The following PDE4B variants were observed in gnomAD, a reference collection of about 807,000 sequenced individuals.
PDE4B encodes phosphodiesterase 4B.
Under a neutral mutation model 82.2 loss-of-function variants are expected in PDE4B, and 20 were observed. That is an observed-to-expected ratio of 0.24 (90% CI 0.17 to 0.35). PDE4B has a LOEUF of 0.35. Among genes scored for constraint, PDE4B ranks in the 10% least tolerant of loss-of-function variants. The pLI, the probability that PDE4B is intolerant of heterozygous loss-of-function variation, is 1.00. For synonymous variants in PDE4B, 320 were observed against 318.9 expected, an observed-to-expected ratio of 1.00 and a Z score of -0.04; for missense variants, 655 against 907.2, an observed-to-expected ratio of 0.72 and a Z score of 3.57.
Position 66,121,560 on chromosome 1 carries a change from T to C in PDE4B, c.282-125900T>C, listed in dbSNP as rs146272632. On this transcript the variant is annotated intron_variant, in intron 3 of 16. Coordinates refer to ENST00000341517, the MANE Select transcript of PDE4B (RefSeq NM_002600.4). ...GTGAGTAAGAACTAGACAAGAAAGA[T>C]GTGCCTTGCCTCTGTTGTTCCAAAA... Among the ~76,000 whole-genome samples, 1,089 of 152,304 alleles carry C rather than the reference T, an allele frequency of 7.2e-3. 11 individuals carry two copies. The highest frequency in any genetic ancestry group is 0.024 in the African/African-American group (1,000 of 41,556).
At chr1:65,936,040 TTTTC>T (rs959102732) in intron 3 of PDE4B, among the ~76,000 whole-genome samples, 1 of 152,192 alleles carries the variant, frequency 6.6e-6, no homozygotes, top group African/African-American at 2.4e-5. Context: ...TTTTCTTTTT[TTTTC>T]TTTTTTACGT....
chr1:66,138,966 T>C (rs972144101), intron 3 of PDE4B, among the ~76,000 whole-genome samples: 2 of 152,182 alleles, frequency 1.3e-5, no homozygotes, highest in Non-Finnish European at 2.9e-5. Context: ...TTGACCACCA[T>C]AAAAATTTGC....
At chr1:65,908,041 G>A (rs1647046983) in intron 1 of PDE4B, among the ~76,000 whole-genome samples, 1 of 152,128 alleles carries the variant, frequency 6.6e-6, no homozygotes, top group Non-Finnish European at 1.5e-5. Flanking sequence ...TAGACTCTAG[G>A]TGGGGAGAGG....
chr1:66,034,142 TTG>T (rs1365350987), intron 3 of PDE4B, among the ~76,000 whole-genome samples: 1 of 152,222 alleles, frequency 6.6e-6, no homozygotes, highest in Non-Finnish European at 1.5e-5. Context: ...TTCTCCCTCT[TTG>T]TGAGTGAGCT....
chr1:66,152,639 C>CATATATATATATATTT (rs1557597112), intron 3 of PDE4B: 13 of 22,734 alleles, frequency 5.7e-4, no homozygotes, highest in Non-Finnish European at 1.2e-4. Context: ...TGTATACACA[C>CATATATATATATATTT]ACACACACAC....
chr1:66,095,968 A>G (rs1645105987), intron 3 of PDE4B, among the ~76,000 whole-genome samples: 1 of 151,826 alleles, frequency 6.6e-6, no homozygotes, highest in South Asian at 2.1e-4. Flanking sequence ...TGTATTGATG[A>G]GATCAGGATA....
chr1:66,021,161 T>A (rs1653085247), intron 3 of PDE4B, among the ~76,000 whole-genome samples: 1 of 152,152 alleles, frequency 6.6e-6, no homozygotes, highest in Non-Finnish European at 1.5e-5. Context: ...TTTGATGGGG[T>A]TGTTTGATTT....
At chr1:65,881,517 A>T (rs1646708493) in intron 1 of PDE4B, among the ~76,000 whole-genome samples, 1 of 152,170 alleles carries the variant, frequency 6.6e-6, no homozygotes, top group African/African-American at 2.4e-5. Context: ...TGCTTACCTC[A>T]GTTTCATAAT....
intron 3 of PDE4B, among the ~76,000 whole-genome samples, chr1:66,234,340 G>A (rs1652229359): frequency 6.6e-6 from 1 of 152,156 alleles, no homozygotes; most frequent in African/African-American, 2.4e-5. Context: ...CAAGACTGGA[G>A]TGCAATGGCA....
At chr1:65,883,178 T>C (rs1646729302) in intron 1 of PDE4B, among the ~76,000 whole-genome samples, 1 of 152,180 alleles carries the variant, frequency 6.6e-6, no homozygotes, top group Non-Finnish European at 1.5e-5. Flanking sequence ...AGTAGTTTTT[T>C]CCAATTCTGT....
chr1:66,186,429 A>G (rs1213573389), intron 3 of PDE4B, among the ~76,000 whole-genome samples: 2 of 152,148 alleles, frequency 1.3e-5, no homozygotes, highest in Non-Finnish European at 2.9e-5. Context: ...CTTGGGCAGT[A>G]TGGCCATTTT....
intron 3 of PDE4B, among the ~76,000 whole-genome samples, chr1:66,015,453 C>T (rs1281180449): frequency 6.6e-6 from 1 of 152,088 alleles, no homozygotes; most frequent in African/African-American, 2.4e-5. Flanking sequence ...CTGGAGTACA[C>T]GACTTCAGCC....
chr1:65,987,282 T>A (rs1284008266), intron 3 of PDE4B, among the ~76,000 whole-genome samples: 1 of 152,170 alleles, frequency 6.6e-6, no homozygotes, highest in Non-Finnish European at 1.5e-5. Context: ...CTAAAACTGA[T>A]CTTTCTGAAG....
intron 7 of PDE4B, among the ~76,000 whole-genome samples, chr1:66,294,131 A>G (rs1397153586): frequency 6.6e-6 from 1 of 152,132 alleles, no homozygotes; most frequent in Admixed American, 6.6e-5. Flanking sequence ...ACTTGAACCC[A>G]GGAGGCGGTG....
At chr1:65,906,324 C>T (rs1647027466) in intron 1 of PDE4B, among the ~76,000 whole-genome samples, 1 of 152,118 alleles carries the variant, frequency 6.6e-6, no homozygotes, top group Admixed American at 6.6e-5. Flanking sequence ...TTCACTTTGG[C>T]ACAGTGATAA....
At chr1:65,996,543 GT>G (rs1651552773) in intron 3 of PDE4B, among the ~76,000 whole-genome samples, 1 of 151,930 alleles carries the variant, frequency 6.6e-6, no homozygotes, top group Non-Finnish European at 1.5e-5. Flanking sequence ...TATATTTTAA[GT>G]TTTTTACTAG....
chr1:65,861,303 G>T (rs1646451685), intron 1 of PDE4B, among the ~76,000 whole-genome samples: 1 of 152,090 alleles, frequency 6.6e-6, no homozygotes, highest in African/African-American at 2.4e-5. Context: ...ATTAAATAGA[G>T]AATCCTTTCT....
chr1:65,826,359 T>A (rs1356249425), intron 1 of PDE4B, among the ~76,000 whole-genome samples: 5 of 152,176 alleles, frequency 3.3e-5, no homozygotes, highest in African/African-American at 9.6e-5. Context: ...TAGAATTTTT[T>A]AAAAATTTGC....
chr1:66,160,858 G>A lies in PDE4B; in HGVS notation c.282-86602G>A, dbSNP rs1040229098. On this transcript the variant is annotated intron_variant, in intron 3 of 16. Coordinates refer to ENST00000341517, the MANE Select transcript of PDE4B (RefSeq NM_002600.4). The stretch of plus-strand genomic sequence containing the variant: ...TTATTTAAATGTGAAAACAAAAGGA[G>A]GTGCCTCTATCAGACTTCATGATCA... Among the ~76,000 whole-genome samples, 5 of 152,152 alleles carry A rather than the reference G, an allele frequency of 3.3e-5. No individual in the cohort carries two copies. The East Asian group carries it at 9.6e-4, about 29-fold the overall frequency.
Sources: allele counts gnomAD v4.1 joint callset (sites outside exome capture counted in the v4.1 genomes callset), GRCh38; gene constraint gnomAD v4.1.1; transcripts MANE v1.5; gene names NCBI Gene and HGNC (gene_info 2026-07-23, HGNC 2026-07-21).